Variants in DZIP1L observed in about 807,000 individuals in gnomAD.
The protein encoded by DZIP1L is cilium assembly protein DZIP1L.
In DZIP1L, 90 loss-of-function variants were observed where a neutral mutation model predicts 88.7. The ratio of observed to expected loss-of-function variants is 1.02; its 90% CI spans 0.86 to 1.21. The LOEUF is 1.21. Among genes scored for constraint, DZIP1L ranks in the 50% most tolerant of loss-of-function variants. The pLI, the probability that DZIP1L is intolerant of heterozygous loss-of-function variation, is 0.00. For missense variants in DZIP1L, 932 were observed against 955.8 expected (o/e 0.98, Z 0.33); for synonymous variants, 363 against 372.1 (o/e 0.98, Z 0.28).
intron 1 of DZIP1L, among the ~76,000 whole-genome samples, chr3:138,110,534 G>C (rs1047599259): frequency 6.6e-6 from 1 of 152,112 alleles, no homozygotes; most frequent in African/African-American, 2.4e-5. Context: ...CACAGTCAAA[G>C]TTCCCTGCCC....
intron 8 of DZIP1L, among the ~76,000 whole-genome samples, chr3:138,083,844 C>T (rs1469278281): frequency 6.6e-6 from 1 of 152,188 alleles, no homozygotes; most frequent in African/African-American, 2.4e-5. Flanking sequence ...AGCAAAGTAT[C>T]AGTGAGGTGC....
At chr3:138,101,361 T>C in intron 2 of DZIP1L, 1 of 643,258 alleles carries the variant, frequency 1.6e-6, no homozygotes, top group Non-Finnish European at 2.8e-6. Context: ...GGTTGAGGGC[T>C]AGGGCTGAGC....
intron 4 of DZIP1L, among the ~76,000 whole-genome samples, chr3:138,093,607 C>T (rs1944337479): frequency 6.6e-6 from 1 of 152,204 alleles, no homozygotes; most frequent in Non-Finnish European, 1.5e-5. Flanking sequence ...AGTACAGTCA[C>T]CTTCATCAAT....
chr3:138,074,360 C>A (rs1256934681), intron 11 of DZIP1L, among the ~76,000 whole-genome samples: 1 of 152,188 alleles, frequency 6.6e-6, no homozygotes, highest in Non-Finnish European at 1.5e-5. Flanking sequence ...CAGCAGATTT[C>A]TCAGCAGAAA....
At chr3:138,073,741 C>T (rs1203701335) in intron 11 of DZIP1L, among the ~76,000 whole-genome samples, 1 of 152,014 alleles carries the variant, frequency 6.6e-6, no homozygotes, top group African/African-American at 2.4e-5. Context: ...AAAAAGAATT[C>T]AGAAGGTCAA....
At chr3:138,110,824 A>G (rs1273186509) in intron 1 of DZIP1L, among the ~76,000 whole-genome samples, 2 of 152,270 alleles carry the variant, frequency 1.3e-5, no homozygotes, top group African/African-American at 4.8e-5. Flanking sequence ...ATGCAGATGA[A>G]GAAACAGAGT....
At chr3:138,075,311 A>C (rs1943356604) in intron 11 of DZIP1L, among the ~76,000 whole-genome samples, 1 of 152,246 alleles carries the variant, frequency 6.6e-6, no homozygotes, top group South Asian at 2.1e-4. Flanking sequence ...TAGACTTAAC[A>C]GATATTTACA....
chr3:138,062,876 G>A lies in DZIP1L; in HGVS notation c.2244C>T (p.Leu748=). The A allele has an allele frequency of 6.2e-7, 1 of 1,614,224 alleles. No homozygotes were observed. The highest frequency in any genetic ancestry group is 2.2e-5 in the East Asian group (1 of 44,882). Reference sequence around the variant, plus strand: ...GTGGACCAGTGCCAAACTTCTCTGGGAGCTTTGAGCGAGACAAGGGCTTGG... The same window carrying A: ...GTGGACCAGTGCCAAACTTCTCTGGAAGCTTTGAGCGAGACAAGGGCTTGG... ...EKPKPLSRSK[L]PEKFGTGPQS... Residue 748 remains leucine, a synonymous_variant, in exon 16 of 16, where the codon CTC becomes CTT. Transcript: ENST00000327532.
rs766895433 is a variant in DZIP1L, at chr3:138,103,483, G to A, written c.489C>T (p.His163=). The A allele has an allele frequency of 1.5e-5, 24 of 1,601,828 alleles. No homozygotes were observed. The highest frequency in any genetic ancestry group is 1.7e-6 in the Non-Finnish European group (2 of 1,172,382). ...LQQLLMQTGT[H]SYHTCHLCDK... ...GGAGATTCCTCACCGTGTGGTAGCT[G>A]TGGGTGCCTGTCTGCATTAGCAGCT... The change falls in exon 2 of 16, where the codon CAC becomes CAT. Residue 163 remains histidine (H), a synonymous_variant. Transcript: ENST00000327532.
chr3:138,094,600 T>G (rs1944379730), intron 4 of DZIP1L, among the ~76,000 whole-genome samples: 2 of 152,248 alleles, frequency 1.3e-5, no homozygotes, highest in South Asian at 4.1e-4. Flanking sequence ...CAGGTTCAAA[T>G]GCCCTCAGAG....
At chr3:138,064,270 G>C (rs1239549233) in intron 15 of DZIP1L, 6 of 926,326 alleles carry the variant, frequency 6.5e-6, no homozygotes, top group African/African-American at 1.7e-5. Flanking sequence ...GCAGAGTGAG[G>C]GACTGGGGAG....
At chr3:138,077,745 C>A in intron 10 of DZIP1L, 113 bp from the exon 11 acceptor site, 1 of 1,478,310 alleles carries the variant, frequency 6.8e-7, no homozygotes, top group Non-Finnish European at 9.1e-7. Flanking sequence ...TCGGTTAACT[C>A]AGGACTTGGA....
At chr3:138,106,226 C>T (rs901781556) in intron 1 of DZIP1L, among the ~76,000 whole-genome samples, 1 of 148,458 alleles carries the variant, frequency 6.7e-6, no homozygotes, top group Non-Finnish European at 1.5e-5. Flanking sequence ...GCAACCTCCA[C>T]CTCCCGGGTT....
chr3:138,103,956 C>T lies in DZIP1L; in HGVS notation c.16G>A (p.Ala6Thr). The T allele has an allele frequency of 6.2e-7, 1 of 1,611,564 alleles. No homozygotes were observed. Residue 6 changes from alanine (A) to threonine (T), a missense_variant, in exon 2 of 16, where the codon GCC becomes ACC. Coordinates refer to ENST00000327532, the MANE Select transcript of DZIP1L (RefSeq NM_173543.3). The stretch of plus-strand genomic sequence containing the variant: ...GGGCCACTGAGGCCCTCAGCAGTGG[C>T]AGCTGGGGACTGCATGGGCAGAGGA... MQSPA[A>T]TAEGLSGPLF...
chr3:138,087,896 G>T (rs1397833361), intron 6 of DZIP1L, among the ~76,000 whole-genome samples: 1 of 152,236 alleles, frequency 6.6e-6, no homozygotes, highest in African/African-American at 2.4e-5. Flanking sequence ...CTGTGCACAA[G>T]TCTTCCTGGC....
At chr3:138,064,276 G>C in intron 15 of DZIP1L, 4 of 977,212 alleles carry the variant, frequency 4.1e-6, no homozygotes, top group Non-Finnish European at 5.4e-6. Flanking sequence ...TGAGGGACTG[G>C]GGAGGAGCCC....
Position 138,088,527 on chromosome 3 carries a change from G to A in DZIP1L, c.871-20C>T. On this transcript the variant is annotated intron_variant, in intron 5 of 15. Transcript: ENST00000327532. ...CAGTTTCTGAAAAGGCCAGGGCATA[G>A]TTTTATTCAGATGAAGATCTCATCA... 1 of 1,609,870 alleles carries A rather than the reference G, an allele frequency of 6.2e-7. No homozygotes were observed. The highest frequency in any genetic ancestry group is 8.5e-7 in the Non-Finnish European group (1 of 1,178,136).
At chr3:138,073,003 A>AGAG (rs1943251738) in intron 11 of DZIP1L, among the ~76,000 whole-genome samples, 1 of 152,138 alleles carries the variant, frequency 6.6e-6, no homozygotes, top group African/African-American at 2.4e-5. Flanking sequence ...CCCCAACAGT[A>AGAG]GCTGCAGCAA....
intron 4 of DZIP1L, 37 bp downstream of exon 4, chr3:138,094,825 G>T: frequency 6.2e-7 from 1 of 1,613,274 alleles, no homozygotes; most frequent in Non-Finnish European, 8.5e-7. Flanking sequence ...GGTAGTCCAT[G>T]ACCCAAGTCT....
Sources: gnomAD v4.1 joint callset for allele counts (sites outside exome capture counted in the v4.1 genomes callset) on GRCh38, gnomAD v4.1.1 for gene constraint, MANE v1.5 for transcripts, NCBI Gene and HGNC (gene_info 2026-07-23, HGNC 2026-07-21) for gene names.